The following CFAP44 variants were observed in gnomAD, a reference collection of about 807,000 sequenced individuals.
CFAP44 encodes cilia and flagella associated protein 44.
CFAP44 carries 134 observed loss-of-function variants against 216.2 expected under a neutral mutation model. The observed-to-expected ratio is 0.62, with a 90% CI of 0.54 to 0.72. The LOEUF (loss-of-function observed/expected upper bound fraction) is 0.72, where lower values mean the gene tolerates loss of function less well. CFAP44 is among the 30% of genes least tolerant of loss of function. CFAP44 has a pLI of 0.00. For synonymous variants in CFAP44, 700 were observed against 727.6 expected, an observed-to-expected ratio of 0.96 and a Z score of 0.61; for missense variants, 2,035 against 2,182.1, an observed-to-expected ratio of 0.93 and a Z score of 1.34.
At chr3:113,322,060 G>T (rs1048410276) in intron 28 of CFAP44, among the ~76,000 whole-genome samples, 2 of 152,132 alleles carry the variant, frequency 1.3e-5, no homozygotes, top group Non-Finnish European at 2.9e-5. Flanking sequence ...AGCCCAAATA[G>T]CCAATGCAAT....
intron 34 of CFAP44, chr3:113,293,818 C>A (rs920237683): frequency 3.7e-6 from 1 of 271,590 alleles, no homozygotes; most frequent in Non-Finnish European, 7.4e-6. Flanking sequence ...TACTTTGGGA[C>A]TTTTGTTTAG....
intron 13 of CFAP44, chr3:113,397,413 A>G (rs1005306600): frequency 6.6e-6 from 1 of 152,432 alleles, no homozygotes; most frequent in Non-Finnish European, 1.5e-5. Flanking sequence ...CTTCCATGTC[A>G]CAATAAGAAA....
chr3:113,349,819 A>AT (rs1334167719), intron 22 of CFAP44, among the ~76,000 whole-genome samples: 1 of 152,182 alleles, frequency 6.6e-6, no homozygotes, highest in Non-Finnish European at 1.5e-5. Context: ...TCTCAGTGTT[A>AT]ATCTCCTGTC....
chr3:113,293,742 A>G (rs2107785128), intron 34 of CFAP44, among the ~76,000 whole-genome samples: 1 of 152,342 alleles, frequency 6.6e-6, no homozygotes, highest in East Asian at 1.9e-4. Context: ...TTCACATCTA[A>G]TCTTCAATTA....
At chr3:113,418,003 C>T (rs1934694142) in intron 5 of CFAP44, among the ~76,000 whole-genome samples, 1 of 152,108 alleles carries the variant, frequency 6.6e-6, no homozygotes, top group African/African-American at 2.4e-5. Context: ...ATATTGGAAA[C>T]TGCTGTGGGG....
At chr3:113,441,380 G>C in intron 1 of CFAP44, 73 bp downstream of exon 1, 1 of 985,354 alleles carries the variant, frequency 1.0e-6, no homozygotes, top group Non-Finnish European at 1.2e-6. Flanking sequence ...CCCAAGTGGG[G>C]TTCACTGCCC....
chr3:113,420,011 G>A lies in CFAP44; in HGVS notation c.570+6C>T, dbSNP rs780491998. 1.2e-6 allele frequency: 2 copies of A among 1,611,446 alleles called. No homozygotes were observed. Among genetic ancestry groups the A allele is most frequent in the East Asian group, 2.2e-5 (1 of 44,834 alleles). Reference sequence around the variant, plus strand: ...GGGGTTTTTTTCTAATTTATTGAAGGCATACCCCAATGACGCCAATTCCTT... The same window carrying A: ...GGGGTTTTTTTCTAATTTATTGAAGACATACCCCAATGACGCCAATTCCTT... On this transcript the variant is annotated splice_donor_region_variant and intron_variant, in intron 5 of 34. Transcript: ENST00000393845.
intron 12 of CFAP44, among the ~76,000 whole-genome samples, 193 bp downstream of exon 12, chr3:113,400,352 T>C (rs1422659813): frequency 6.6e-6 from 1 of 152,138 alleles, no homozygotes; most frequent in African/African-American, 2.4e-5. Flanking sequence ...TTTGTCCTTC[T>C]TTTAATCTCT....
intron 17 of CFAP44, among the ~76,000 whole-genome samples, chr3:113,374,363 T>TTTTATTTA (rs148186633): frequency 0.17 from 24,333 of 146,634 alleles, 2,185 homozygotes; most frequent in East Asian, 0.29. Context: ...TGTCAATTTC[T>TTTTATTTA]TTTATTTATT....
At chr3:113,359,492 A>G (rs1161394848) in intron 21 of CFAP44, among the ~76,000 whole-genome samples, 1 of 152,216 alleles carries the variant, frequency 6.6e-6, no homozygotes, top group Non-Finnish European at 1.5e-5. Flanking sequence ...CAAAGTGCTT[A>G]GTCACAGCAC....
At chr3:113,419,292 A>T (rs999542177) in intron 5 of CFAP44, among the ~76,000 whole-genome samples, 4 of 151,864 alleles carry the variant, frequency 2.6e-5, no homozygotes, top group African/African-American at 9.7e-5. Context: ...TTGTGTGTCT[A>T]GTTTTTTTTT....
chr3:113,352,272 G>A (rs983228665), intron 22 of CFAP44, among the ~76,000 whole-genome samples: 1 of 152,194 alleles, frequency 6.6e-6, no homozygotes, highest in Non-Finnish European at 1.5e-5. Flanking sequence ...GGACAAATAA[G>A]GGAATAAAAG....
chr3:113,314,111 C>A (rs1950065979), intron 28 of CFAP44, among the ~76,000 whole-genome samples: 1 of 152,086 alleles, frequency 6.6e-6, no homozygotes, highest in African/African-American at 2.4e-5. Context: ...CATCAGAGTA[C>A]CAGAAGGAGT....
At chr3:113,386,988 T>C (rs1359393935) in intron 15 of CFAP44, among the ~76,000 whole-genome samples, 2 of 152,166 alleles carry the variant, frequency 1.3e-5, no homozygotes, top group East Asian at 3.9e-4. Context: ...ACAGAGTATT[T>C]AGACCAGCCC....
In CFAP44 at chr3:113,400,618, G is replaced by A; in HGVS notation, c.1401C>T (p.Ser467=). 1 of 1,610,846 alleles carries A rather than the reference G, an allele frequency of 6.2e-7. No homozygotes were observed. The highest frequency in any genetic ancestry group is 1.1e-5 in the South Asian group (1 of 90,748). The part of the protein sequence containing the change: ...NITQDPECLF[S]FHSGAIEAVA... ...CGGCTTCAATAGCTCCAGAATGGAAGGAGAAGAGGCATTCTGGGTCCTGGG... is the reference window on the plus strand; with the variant it reads ...CGGCTTCAATAGCTCCAGAATGGAAAGAGAAGAGGCATTCTGGGTCCTGGG... Residue 467 remains serine (S), a synonymous_variant, in exon 12 of 35, where the codon TCC becomes TCT. Coordinates refer to ENST00000393845, the MANE Select transcript of CFAP44 (RefSeq NM_001164496.2).
intron 18 of CFAP44, among the ~76,000 whole-genome samples, chr3:113,367,095 G>A (rs941923849): frequency 1.3e-5 from 2 of 152,166 alleles, no homozygotes; most frequent in Non-Finnish European, 2.9e-5. Flanking sequence ...AGCTCAGCAA[G>A]GCCTACTGCC....
chr3:113,397,610 C>A (rs1934023468), intron 13 of CFAP44, among the ~76,000 whole-genome samples: 1 of 152,146 alleles, frequency 6.6e-6, no homozygotes, highest in South Asian at 2.1e-4. Flanking sequence ...AAGATGGCTT[C>A]TACACTTCAG....
rs143567721 is a variant in CFAP44 at position 113,299,330 on chromosome 3, C to A, written c.5078-2445G>T. ...TGAAAAGGTGCTCAACATTGCTGAT[C>A]GTCAGAAAAGTGCAAATAAAAGCTA... is the stretch of plus-strand genomic sequence containing the variant. On this transcript the variant is annotated intron_variant, in intron 32 of 34. Transcript: ENST00000393845. 4.6e-3 allele frequency among the ~76,000 whole-genome samples: 693 copies of A among 152,212 alleles called. 3 individuals carry two copies. Among genetic ancestry groups the A allele is most frequent in the African/African-American group, 0.016 (647 of 41,532 alleles).
At position 113,358,834 on chromosome 3, in the gene CFAP44, T is replaced by C. The variant is rs1040176702; in HGVS notation, c.2976A>G (p.Arg992=). 2.6e-5 allele frequency: 40 copies of C among 1,536,776 alleles called. 1 individual carries two copies. The highest frequency in any genetic ancestry group is 3.4e-5 in the Non-Finnish European group (39 of 1,146,602). Residue 992 remains arginine, a synonymous_variant, in exon 22 of 35, where the codon AGA becomes AGG. Transcript: ENST00000393845. ...VDSQIRAEMH[R]KTAFKIQQVE... ...CTTGTTGAATTTTGAAAGCTGTTTTTCTGTGCATCTCAGCACGGATTTGGG... is the reference window on the plus strand; with the variant it reads ...CTTGTTGAATTTTGAAAGCTGTTTTCCTGTGCATCTCAGCACGGATTTGGG...
Sources: gnomAD v4.1 joint callset for allele counts (sites outside exome capture counted in the v4.1 genomes callset) on GRCh38, gnomAD v4.1.1 for gene constraint, MANE v1.5 for transcripts, NCBI Gene and HGNC (gene_info 2026-07-23, HGNC 2026-07-21) for gene names.